Variants in ASH1L observed in about 807,000 individuals in gnomAD.
The protein encoded by ASH1L is histone-lysine N-methyltransferase ASH1L.
A neutral mutation model predicts 269.0 loss-of-function variants in ASH1L; 23 were observed. The ratio of observed to expected loss-of-function variants is 0.09; its 90% confidence interval spans 0.06 to 0.12. ASH1L has a LOEUF of 0.12. Ranked by LOEUF, ASH1L falls within the 10% of genes least tolerant of loss-of-function variation. The pLI, the probability that ASH1L is intolerant of heterozygous loss-of-function variation, is 1.00. For synonymous variants in ASH1L, 1,187 were observed against 1,253.5 expected (o/e 0.95, Z 1.12); for missense variants, 2,912 against 3,567.8 (o/e 0.82, Z 4.68).
chr1:155,532,132 C>T (rs1391233734), intron 1 of ASH1L, among the ~76,000 whole-genome samples: 1 of 152,144 alleles, frequency 6.6e-6, no homozygotes, highest in Non-Finnish European at 1.5e-5. Context: ...AACAGGCAAA[C>T]TCAATATTCA....
In ASH1L at chr1:155,472,923, T is replaced by A. The variant is rs192584002; in HGVS notation, c.4984+4963A>T. Among the ~76,000 whole-genome samples, 3 of 152,300 alleles carry A rather than the reference T, an allele frequency of 2.0e-5. No individual in the cohort carries two copies. In the South Asian group the frequency reaches 6.2e-4, roughly 32 times the overall value. ...GTTCCTCAGAGCTACCCAAGGCTGT[T>A]TGTTTTTCACTCCCTATTCTCTCCC... On this transcript the variant is annotated intron_variant, in intron 3 of 27. Transcript: ENST00000392403.
intron 7 of ASH1L, among the ~76,000 whole-genome samples, chr1:155,390,711 T>A (rs1374136614): frequency 6.9e-6 from 1 of 145,828 alleles, no homozygotes; most frequent in Non-Finnish European, 1.5e-5. Flanking sequence ...AGTGGCGTGA[T>A]CTCGGCTCAC....
At chr1:155,516,637 AT>A (rs113436433) in intron 2 of ASH1L, among the ~76,000 whole-genome samples, 110 of 151,612 alleles carry the variant, frequency 7.3e-4, no homozygotes, top group African/African-American at 1.0e-3. Context: ...TACAAAAATA[AT>A]TTTTTTTTAT....
chr1:155,384,777 A>C, intron 7 of ASH1L, among the ~76,000 whole-genome samples: 1 of 152,164 alleles, frequency 6.6e-6, no homozygotes, highest in East Asian at 1.9e-4. Flanking sequence ...GGAGTCTGCT[A>C]ATCTTCTTGA....
chr1:155,478,290 C>T lies in ASH1L; in HGVS notation c.4580G>A (p.Arg1527Gln), dbSNP rs201281000. Reference protein sequence around the residue: ...YRFGKDAVGERYKHKEKHRCH... With the variant: ...YRFGKDAVGEQYKHKEKHRCH... ...ACGGTGCTTTTCCTTATGCTTATATCGCTCTCCAACAGCATCCTTTCCAAA... is the reference window on the plus strand; with the variant it reads ...ACGGTGCTTTTCCTTATGCTTATATTGCTCTCCAACAGCATCCTTTCCAAA... Residue 1527 changes from arginine (R) to glutamine (Q), a missense_variant, in exon 3 of 28, where the codon CGA becomes CAA. Around this residue, in one of 13 missense-constraint regions of ASH1L, gnomAD observed 789 missense variants for 897.6 expected, o/e 0.88. Transcript: ENST00000392403. The surrounding 1 kb of genome is among the most constrained non-coding windows in gnomAD (Gnocchi z 4.6). The T allele has an allele frequency of 1.3e-5, 21 of 1,613,970 alleles. No individual in the cohort carries two copies. The Admixed American group carries it at 1.7e-4, about 13-fold the overall frequency.
At chr1:155,360,130 T>C (rs1654818043) in intron 13 of ASH1L, among the ~76,000 whole-genome samples, 171 bp downstream of exon 13, 1 of 152,116 alleles carries the variant, frequency 6.6e-6, no homozygotes, top group Admixed American at 6.6e-5. Context: ...GCTCAAGTGA[T>C]CTGCCCACAT....
At chr1:155,352,908 T>C in intron 16 of ASH1L, 50 bp from the exon 17 acceptor site, 1 of 1,518,850 alleles carries the variant, frequency 6.6e-7, no homozygotes, top group Non-Finnish European at 8.9e-7. Context: ...GAGCTCTACA[T>C]GTCTTTCTCT....
intron 10 of ASH1L, 28 bp downstream of exon 10, chr1:155,378,253 C>T: frequency 1.3e-6 from 2 of 1,569,954 alleles, no homozygotes; most frequent in Non-Finnish European, 1.8e-6. Flanking sequence ...AAAGCCTATG[C>T]TTTAGAGAAA....
chr1:155,438,742 G>C lies in ASH1L; in HGVS notation c.5413C>G (p.Arg1805Gly). Residue 1805 changes from arginine to glycine, a missense_variant, in exon 5 of 28, where the codon CGC (arginine) becomes GGC (glycine). Transcript: ENST00000392403. ...IKRSVVEAMQ[R>G]QARKMCNYDK... ...TAATTGCACATTTTCCGAGCTTGGC[G>C]TTGCATAGCTTCCACTACACTTCTC... 6.2e-7 allele frequency: 1 copy of C among 1,614,070 alleles called. No individual in the cohort carries two copies. Among genetic ancestry groups the C allele is most frequent in the African/African-American group, 1.3e-5 (1 of 75,008 alleles).
intron 7 of ASH1L, among the ~76,000 whole-genome samples, chr1:155,387,963 G>C (rs1657579274): frequency 6.6e-6 from 1 of 152,298 alleles, no homozygotes; most frequent in Non-Finnish European, 1.5e-5. Context: ...AGGAATGCTA[G>C]TGATTTTTGT....
chr1:155,343,225 C>A lies in ASH1L; in HGVS notation c.8293+89G>T. On this transcript the variant is annotated intron_variant, in intron 24 of 27. Coordinates refer to ENST00000392403, the MANE Select transcript of ASH1L (RefSeq NM_018489.3). This position sits in a 1 kb window ranked among gnomAD's most constrained non-coding sequence, Gnocchi z 6.1. The stretch of plus-strand genomic sequence containing the variant: ...CACACTCCTGGGCTTAAGCAATCTG[C>A]CTGCCTCGGCCTCCCACACCGCTGG... 6.9e-7 allele frequency: 1 copy of A among 1,442,906 alleles called. No individual in the cohort carries two copies. The highest frequency in any genetic ancestry group is 1.3e-5 in the South Asian group (1 of 74,628). The allele number at this position is 1,442,906 out of a possible 1,614,324, so 89.4% of individuals were successfully genotyped here. A position where few individuals can be genotyped will look rare whatever the true frequency, so the allele number is the denominator to read the frequency against.
At chr1:155,372,026 C>T (rs576078074) in intron 10 of ASH1L, among the ~76,000 whole-genome samples, 15 of 150,510 alleles carry the variant, frequency 1.0e-4, no homozygotes, top group East Asian at 6.0e-4. Flanking sequence ...TTTTTTGAGA[C>T]GGAGTCTCAC....
intron 1 of ASH1L, among the ~76,000 whole-genome samples, chr1:155,557,409 C>A (rs775131024): frequency 6.6e-6 from 1 of 151,948 alleles, no homozygotes; most frequent in Non-Finnish European, 1.5e-5. Flanking sequence ...ACTACAGGTG[C>A]CCATCACCAT....
At position 155,478,800 on chromosome 1, in the gene ASH1L, C is replaced by A; in HGVS notation, c.4070G>T (p.Arg1357Met). Residue 1357 changes from arginine (R) to methionine (M), a missense_variant, in exon 3 of 28, where the codon AGG becomes ATG. Transcript: ENST00000392403. This position sits in a 1 kb window ranked among gnomAD's most constrained non-coding sequence, Gnocchi z 4.6. The stretch of plus-strand genomic sequence containing the variant: ...AAAAGGCATTTCAGCCATTGCCTCC[C>A]TCATCTTAGGGGGTCTCCCTCTTTT... ...KKKRGRPPKM[R>M]EAMAEMPFMH... is the part of the protein sequence containing the mutation. 6.2e-7 allele frequency: 1 copy of A among 1,614,090 alleles called. No individual in the cohort carries two copies. The highest frequency in any genetic ancestry group is 2.2e-5 in the East Asian group (1 of 44,872).
intron 6 of ASH1L, among the ~76,000 whole-genome samples, chr1:155,396,594 A>C (rs939947647): frequency 1.3e-5 from 2 of 151,948 alleles, no homozygotes; most frequent in African/African-American, 2.4e-5. Flanking sequence ...TACAGGCGTG[A>C]GCAACTGTGC....
intron 3 of ASH1L, among the ~76,000 whole-genome samples, chr1:155,471,482 A>G (rs563610224): frequency 6.6e-6 from 1 of 152,308 alleles, no homozygotes; most frequent in East Asian, 1.9e-4. Context: ...CGGCCTACCT[A>G]ACAGAGCCCC....
intron 12 of ASH1L, among the ~76,000 whole-genome samples, chr1:155,363,942 C>T (rs754242958): frequency 1.3e-5 from 2 of 151,794 alleles, no homozygotes; most frequent in Admixed American, 6.6e-5. Context: ...CACTGCATTC[C>T]AGCCTGGGCG....
chr1:155,447,515 C>T (rs888975739), intron 4 of ASH1L, among the ~76,000 whole-genome samples: 3 of 152,106 alleles, frequency 2.0e-5, no homozygotes, highest in Admixed American at 6.6e-5. Flanking sequence ...CAGGAGTGAA[C>T]CACCACACTC....
intron 1 of ASH1L, among the ~76,000 whole-genome samples, chr1:155,535,602 T>C (rs1428500405): frequency 6.8e-6 from 1 of 146,684 alleles, no homozygotes; most frequent in Non-Finnish European, 1.5e-5. Flanking sequence ...GCTAAGAAAA[T>C]ATCACTGCAT....
Sources: gnomAD v4.1 joint callset for allele counts (sites outside exome capture counted in the v4.1 genomes callset) on GRCh38, gnomAD v4.1.1 for gene constraint, gnomAD v4.1.1 regional missense constraint, Gnocchi (gnomAD v3.1) non-coding constraint, MANE v1.5 for transcripts, NCBI Gene and HGNC (gene_info 2026-07-23, HGNC 2026-07-21) for gene names.